PHC2: variants seen among roughly 807,000 people sequenced by gnomAD.
The protein encoded by PHC2 is polyhomeotic homolog 2.
Under a neutral mutation model 87.4 loss-of-function variants are expected in PHC2, and 29 were observed. The observed-to-expected ratio is 0.33, with a 90% CI of 0.25 to 0.45. The LOEUF (loss-of-function observed/expected upper bound fraction) is 0.45, where lower values mean the gene tolerates loss of function less well. Among genes scored for constraint, PHC2 ranks in the 20% least tolerant of loss-of-function variants. The pLI is 1.00. For missense variants in PHC2, 857 were observed against 1,136.7 expected, an observed-to-expected ratio of 0.75 and a Z score of 3.54; for synonymous variants, 438 against 461.7, an observed-to-expected ratio of 0.95 and a Z score of 0.66.
intron 9 of PHC2, among the ~76,000 whole-genome samples, chr1:33,352,625 A>G (rs1001171122): frequency 6.6e-6 from 1 of 152,220 alleles, no homozygotes; most frequent in African/African-American, 2.4e-5. Context: ...TACAAGTTTG[A>G]GACTAGGGAG....
At chr1:33,411,710 G>A (rs533740780) in intron 1 of PHC2, among the ~76,000 whole-genome samples, 7 of 152,042 alleles carry the variant, frequency 4.6e-5, no homozygotes, top group East Asian at 3.9e-4. Context: ...AGAGGTGCGC[G>A]CCACCACGCC....
chr1:33,334,275 C>G lies in PHC2; in HGVS notation c.1576G>C (p.Val526Leu). The change falls in exon 10 of 15, where the codon GTT becomes CTT. Residue 526 changes from valine (V) to leucine (L), a missense_variant. Coordinates refer to ENST00000683057, the MANE Select transcript of PHC2 (RefSeq NM_001385109.1). This position sits in a 1 kb window ranked among gnomAD's most constrained non-coding sequence, Gnocchi z 5.5. Reference sequence around the variant, plus strand: ...CTGCTGAGGTCGGTCAGTGCATGAACAATGCCCTGCCCTGTCTCTGCACGA... The same window carrying G: ...CTGCTGAGGTCGGTCAGTGCATGAAGAATGCCCTGCCCTGTCTCTGCACGA... ...SPAHETGQGI[V>L]HALTDLSSPG... The G allele has an allele frequency of 1.2e-6, 2 of 1,612,754 alleles. No homozygotes were observed. Among genetic ancestry groups the G allele is most frequent in the Non-Finnish European group, 1.7e-6 (2 of 1,179,466 alleles).
At chr1:33,427,174 A>G (rs1206272355) in intron 1 of PHC2, among the ~76,000 whole-genome samples, 1 of 152,140 alleles carries the variant, frequency 6.6e-6, no homozygotes, top group Admixed American at 6.5e-5. Context: ...TGTGGTTATA[A>G]TCTGGTGCTG....
rs1649686255 is a variant in PHC2, at chr1:33,404,814, G to A, written c.-55+26162C>T. Reference sequence around the variant, plus strand: ...AATTGAATGATATGAAGAATAACAGGTTGCTCTCTTAGATTGAGTGGTCAG... The same window carrying A: ...AATTGAATGATATGAAGAATAACAGATTGCTCTCTTAGATTGAGTGGTCAG... On this transcript the variant is annotated intron_variant, in intron 1 of 14. Coordinates refer to ENST00000683057, the MANE Select transcript of PHC2 (RefSeq NM_001385109.1). 2.6e-5 allele frequency among the ~76,000 whole-genome samples: 4 copies of A among 152,318 alleles called. No individual in the cohort carries two copies. In the South Asian group the frequency reaches 8.3e-4, roughly 32 times the overall value.
intron 9 of PHC2, among the ~76,000 whole-genome samples, chr1:33,340,150 G>T (rs1570458060): frequency 1.3e-5 from 2 of 152,160 alleles, no homozygotes; most frequent in African/African-American, 4.8e-5. Flanking sequence ...TAACTTAAAA[G>T]ACTTCTATTT....
chr1:33,334,243 GC>G lies in PHC2; in HGVS notation c.1607del (p.Gly536AlafsTer2). Reference protein sequence around the residue: ...VHALTDLSSPGMTSGNGNSAS... With the variant: ...VHALTDLSSPXMTSGNGNSAS... The stretch of plus-strand genomic sequence containing the variant: ...CAGAGTTTCCGTTCCCTGAGGTCAT[GC>G]CGGGGCTGCTGAGGTCGGTCAGTGC... On this transcript the variant is annotated frameshift_variant, in exon 10 of 15. Transcript: ENST00000683057. LOFTEE classifies it high-confidence loss of function. This position sits in a 1 kb window ranked among gnomAD's most constrained non-coding sequence, Gnocchi z 5.5. 1 of 1,612,204 alleles carries G rather than the reference GC, an allele frequency of 6.2e-7. No individual in the cohort carries two copies. The highest frequency in any genetic ancestry group is 8.5e-7 in the Non-Finnish European group (1 of 1,179,532).
chr1:33,414,519 G>T (rs1020938593), intron 1 of PHC2, among the ~76,000 whole-genome samples: 7 of 152,172 alleles, frequency 4.6e-5, no homozygotes, highest in African/African-American at 1.4e-4. Flanking sequence ...CACTGACAAA[G>T]AATTTAAATA....
intron 9 of PHC2, chr1:33,335,397 C>T: frequency 4.2e-6 from 4 of 951,924 alleles, no homozygotes; most frequent in Non-Finnish European, 5.0e-6. Flanking sequence ...TTTATTGCAA[C>T]AAGTCCATTA....
chr1:33,380,163 G>A (rs1353738346), intron 1 of PHC2, among the ~76,000 whole-genome samples: 1 of 152,186 alleles, frequency 6.6e-6, no homozygotes, highest in Admixed American at 6.5e-5. Context: ...AATCACTTAT[G>A]TAAAGGATAG....
intron 7 of PHC2, among the ~76,000 whole-genome samples, chr1:33,356,444 C>T (rs1647087870): frequency 2.0e-5 from 3 of 151,054 alleles, no homozygotes; most frequent in Admixed American, 2.0e-4. Context: ...CTGCGGCCTT[C>T]CGCAGTGTTT....
chr1:33,347,165 T>C (rs541267509), intron 9 of PHC2: 3 of 985,374 alleles, frequency 3.0e-6, no homozygotes, highest in East Asian at 1.1e-4. Context: ...CACAGGGTCA[T>C]AGCTGAGGGA....
rs12038959 is a variant in PHC2 at position 33,414,179 on chromosome 1, A to T, written c.-55+16797T>A. On this transcript the variant is annotated intron_variant, in intron 1 of 14. Coordinates refer to ENST00000683057, the MANE Select transcript of PHC2 (RefSeq NM_001385109.1). ...TACATATGTATTCTCTCTCTCTGTC[A>T]CACACACACACACACACACACACAC... 7.5e-3 allele frequency among the ~76,000 whole-genome samples: 540 copies of T among 72,430 alleles called. 5 individuals carry two copies. Among genetic ancestry groups the T allele is most frequent in the South Asian group, 0.048 (74 of 1,536 alleles). The allele number at this position is 72,430 out of a possible 152,430, so 47.5% of individuals were successfully genotyped here. A position where few individuals can be genotyped will look rare whatever the true frequency, so the allele number is the denominator to read the frequency against.
intron 1 of PHC2, among the ~76,000 whole-genome samples, chr1:33,394,871 A>G (rs1649232267): frequency 6.6e-6 from 1 of 152,184 alleles, no homozygotes. Flanking sequence ...CGCCCAGCCA[A>G]AACAGCGTTT....
chr1:33,395,804 G>C (rs1649269993), intron 1 of PHC2, among the ~76,000 whole-genome samples: 1 of 152,210 alleles, frequency 6.6e-6, no homozygotes, highest in South Asian at 2.1e-4. Flanking sequence ...TAGTTGAAAA[G>C]TGTGAAATGA....
intron 9 of PHC2, among the ~76,000 whole-genome samples, chr1:33,343,180 C>T (rs946192043): frequency 3.9e-5 from 6 of 151,984 alleles, no homozygotes; most frequent in Non-Finnish European, 7.4e-5. Flanking sequence ...AGACTCTAGG[C>T]GGCCAGGTAC....
In PHC2 at chr1:33,331,693, T is replaced by G; in HGVS notation, c.1892-231A>C. ...CTTGACATTTTTTTCTTCCACGTGG[T>G]CTGAGTCTGAGGCAAAACACAGGTG... On this transcript the variant is annotated intron_variant, in intron 11 of 14. Transcript: ENST00000683057. The surrounding 1 kb of genome is among the most constrained non-coding windows in gnomAD (Gnocchi z 5.2). 2.2e-6 allele frequency: 1 copy of G among 444,874 alleles called. No individual in the cohort carries two copies. The allele number at this position is 444,874 out of a possible 1,614,324, so 27.6% of individuals were successfully genotyped here. A position where few individuals can be genotyped will look rare whatever the true frequency, so the allele number is the denominator to read the frequency against.
chr1:33,381,067 C>G (rs1482352028), intron 1 of PHC2, among the ~76,000 whole-genome samples: 1 of 152,134 alleles, frequency 6.6e-6, no homozygotes, highest in African/African-American at 2.4e-5. Context: ...ACTTGAGTCT[C>G]TCCTGTGAAA....
At chr1:33,326,680 G>A (rs1356461258) in intron 14 of PHC2, among the ~76,000 whole-genome samples, 1 of 152,214 alleles carries the variant, frequency 6.6e-6, no homozygotes, top group Non-Finnish European at 1.5e-5. Context: ...TAGGCCGGGC[G>A]CAGTGGCTCA....
chr1:33,394,289 T>C (rs984262975), intron 1 of PHC2, among the ~76,000 whole-genome samples: 1 of 150,260 alleles, frequency 6.7e-6, no homozygotes, highest in Non-Finnish European at 1.5e-5. Context: ...CAAGTCTTTA[T>C]AGCAGCAAAA....
Sources: gnomAD v4.1 joint callset for allele counts (sites outside exome capture counted in the v4.1 genomes callset) on GRCh38, gnomAD v4.1.1 for gene constraint, Gnocchi (gnomAD v3.1) non-coding constraint, MANE v1.5 for transcripts, NCBI Gene and HGNC (gene_info 2026-07-23, HGNC 2026-07-21) for gene names.